The following GPALPP1 variants were observed in gnomAD, a reference collection of about 807,000 sequenced individuals.
GPALPP1 encodes GPALPP motifs-containing protein 1.
In GPALPP1, 30 loss-of-function variants were observed where a neutral mutation model predicts 38.9. The observed-to-expected ratio is 0.77, with a 90% CI of 0.58 to 1.05. The LOEUF (loss-of-function observed/expected upper bound fraction) is 1.05. Among genes scored for constraint, GPALPP1 ranks in the 50% least tolerant of loss-of-function variants. The pLI is 0.00. For missense variants in GPALPP1, 384 were observed against 408.8 expected, an observed-to-expected ratio of 0.94 and a Z score of 0.52; for synonymous variants, 120 against 139.2, an observed-to-expected ratio of 0.86 and a Z score of 0.97.
At chr13:45,033,046 A>T (rs1876279922), downstream of GPALPP1, among the ~76,000 whole-genome samples, 1 of 151,954 alleles carries the variant, frequency 6.6e-6, no homozygotes, top group African/African-American at 2.4e-5. Flanking sequence ...CCAAAAAAAA[A>T]AAAAAGTGAG....
intron 1 of GPALPP1, among the ~76,000 whole-genome samples, chr13:45,001,473 C>A (rs1214806311): frequency 6.6e-6 from 1 of 152,096 alleles, no homozygotes; most frequent in Non-Finnish European, 1.5e-5. Flanking sequence ...ATGTGAAAAA[C>A]AAACTCTCAA....
rs1310741661 is a variant in GPALPP1, at chr13:45,015,074, A to C, written c.531A>C (p.Lys177Asn). Reference protein sequence around the residue: ...RAQRMKEKLTKGDDDSSKPIV... With the variant: ...RAQRMKEKLTNGDDDSSKPIV... Reference sequence around the variant, plus strand: ...AGAGAATGAAAGAAAAACTGACCAAAGGAGATGATGTAAGTTTTAAAAACA... The same window carrying C: ...AGAGAATGAAAGAAAAACTGACCAACGGAGATGATGTAAGTTTTAAAAACA... The change falls in exon 5 of 8, where the codon AAA (lysine) becomes AAC (asparagine). Residue 177 changes from lysine (K) to asparagine (N), a missense_variant. Lys to Asn is a moderately conservative substitution (Grantham distance 94). Transcript: ENST00000379151. 6.3e-7 allele frequency: 1 copy of C among 1,598,600 alleles called. No homozygotes were observed. The highest frequency in any genetic ancestry group is 2.2e-5 in the East Asian group (1 of 44,678).
chr13:45,010,473 CAG>C (rs761242624), intron 4 of GPALPP1, among the ~76,000 whole-genome samples: 148 of 152,064 alleles, frequency 9.7e-4, no homozygotes, highest in Non-Finnish European at 1.9e-3. Flanking sequence ...TCCATAATAA[CAG>C]AGATTTTTTT....
rs1285754825 is a variant in GPALPP1, at chr13:45,028,066, ATTGTC to A, written c.*66_*70del. 1 of 757,206 alleles carries A rather than the reference ATTGTC, an allele frequency of 1.3e-6. No individual in the cohort carries two copies. The highest frequency in any genetic ancestry group is 1.8e-5 in the African/African-American group (1 of 56,942). 46.9% of individuals were successfully genotyped at this position (757,206 alleles called of 1,614,324 possible). On this transcript the variant is annotated 3_prime_UTR_variant, in exon 8 of 8. Coordinates refer to ENST00000379151, the MANE Select transcript of GPALPP1 (RefSeq NM_018559.5). ...CAATGTGAACTTTTCTAAATACTCTATTGTCTTTAATAATTGTGCTGAAATCTATT... is the reference window on the plus strand; with the variant it reads ...CAATGTGAACTTTTCTAAATACTCTATTTAATAATTGTGCTGAAATCTATT...
intron 6 of GPALPP1, among the ~76,000 whole-genome samples, chr13:45,019,090 T>C (rs1190218671): frequency 7.8e-6 from 1 of 128,600 alleles, no homozygotes; most frequent in East Asian, 2.2e-4. Flanking sequence ...TAAATATATG[T>C]ATATATATTT....
chr13:44,994,475 G>A (rs928639995), intron 1 of GPALPP1, among the ~76,000 whole-genome samples: 10 of 152,088 alleles, frequency 6.6e-5, no homozygotes, highest in African/African-American at 2.2e-4. Flanking sequence ...CCAGCTACTC[G>A]GGAGGCTGAG....
intron 3 of GPALPP1, among the ~76,000 whole-genome samples, chr13:45,006,772 T>G (rs1317846374): frequency 6.6e-6 from 1 of 152,176 alleles, no homozygotes; most frequent in Non-Finnish European, 1.5e-5. Flanking sequence ...GATAACAGCA[T>G]GTACTTTACA....
At chr13:45,004,246 CTAGAAGGGTTCAT>C (rs1334610183) in intron 1 of GPALPP1, 46 bp from the exon 2 acceptor site, 22 of 1,431,892 alleles carry the variant, frequency 1.5e-5, no homozygotes, top group Non-Finnish European at 2.1e-5. Context: ...AAAATATCAG[CTAGAAGGGTTCAT>C]TGAAACAGTA....
chr13:45,017,445 G>A (rs1874959248), intron 6 of GPALPP1, among the ~76,000 whole-genome samples: 1 of 152,134 alleles, frequency 6.6e-6, no homozygotes, highest in Non-Finnish European at 1.5e-5. Context: ...ACCTTGAAAG[G>A]GTGGTGTTGG....
intron 1 of GPALPP1, among the ~76,000 whole-genome samples, chr13:44,991,797 A>G (rs1359733911): frequency 6.6e-6 from 1 of 152,158 alleles, no homozygotes; most frequent in Non-Finnish European, 1.5e-5. Flanking sequence ...ATAGCATCAC[A>G]GATTCGTTTT....
At chr13:44,996,154 A>G (rs1393582935) in intron 1 of GPALPP1, among the ~76,000 whole-genome samples, 2 of 152,114 alleles carry the variant, frequency 1.3e-5, no homozygotes, top group African/African-American at 4.8e-5. Context: ...CAGGACTTCA[A>G]GAACAGCCTA....
chr13:44,989,984 A>C, intron 1 of GPALPP1: 1 of 581,460 alleles, frequency 1.7e-6, no homozygotes, highest in East Asian at 2.9e-5. Flanking sequence ...TTTAGCCTTA[A>C]TATGAGCTGC....
intron 5 of GPALPP1, 85 bp from the exon 6 acceptor site, chr13:45,015,347 A>G (rs897530273): frequency 6.4e-6 from 5 of 784,326 alleles, no homozygotes; most frequent in Non-Finnish European, 9.7e-6. Context: ...CTTCAATTGC[A>G]TGACACAGTT....
chr13:45,024,751 A>AC (rs1318315968), intron 7 of GPALPP1, among the ~76,000 whole-genome samples: 5 of 149,954 alleles, frequency 3.3e-5, no homozygotes, highest in Admixed American at 1.3e-4. Flanking sequence ...ACATGGTGAA[A>AC]CCCCCCTCTA....
intron 4 of GPALPP1, among the ~76,000 whole-genome samples, chr13:45,012,469 C>T (rs904447149): frequency 4.6e-5 from 7 of 152,060 alleles, no homozygotes; most frequent in African/African-American, 1.7e-4. Context: ...GTTTATTGCA[C>T]TCATCTTAGC....
At chr13:45,034,523 A>C (rs1010588914), downstream of GPALPP1, 1 of 152,140 alleles carries the variant, frequency 6.6e-6, no homozygotes, top group Non-Finnish European at 1.5e-5. Flanking sequence ...GACTGATCAC[A>C]TATGCAAATG....
In GPALPP1 at chr13:44,989,680, C is replaced by T. The variant is rs151117256; in HGVS notation, c.26C>T (p.Ala9Val). 1.3e-4 allele frequency: 212 copies of T among 1,612,542 alleles called. No homozygotes were observed. The African/African-American group carries it at 2.4e-3, about 18-fold the overall frequency. The change falls in exon 1 of 8, where the codon GCC (alanine) becomes GTC (valine). Residue 9 changes from alanine (A) to valine (V), a missense_variant. Ala to Val is a moderately conservative substitution (Grantham distance 64, BLOSUM62 0). Transcript: ENST00000379151. Reference sequence around the variant, plus strand: ...ATGGCAAGAGACCTGATCGGACCGGCCCTGCCGCCCGGCTTCAAGGCCCGC... The same window carrying T: ...ATGGCAAGAGACCTGATCGGACCGGTCCTGCCGCCCGGCTTCAAGGCCCGC... MARDLIGP[A>V]LPPGFKARGT... is the part of the protein sequence containing the mutation.
chr13:45,014,275 G>A (rs181533343), intron 4 of GPALPP1, among the ~76,000 whole-genome samples: 7 of 152,150 alleles, frequency 4.6e-5, no homozygotes, highest in Admixed American at 3.3e-4. Flanking sequence ...ATATCTGTAG[G>A]GGGTTATAAA....
chr13:45,032,558 ACCGTGC>A (rs1876250676), downstream of GPALPP1, among the ~76,000 whole-genome samples: 1 of 150,288 alleles, frequency 6.7e-6, no homozygotes, highest in Non-Finnish European at 1.5e-5. Flanking sequence ...GGCGCCCACC[ACCGTGC>A]CCAGCTAATT....
Sources: allele counts gnomAD v4.1 joint callset (sites outside exome capture counted in the v4.1 genomes callset), GRCh38; gene constraint gnomAD v4.1.1; transcripts MANE v1.5; gene names NCBI Gene and HGNC (gene_info 2026-07-23, HGNC 2026-07-21).